ZDHHC3: variants seen among roughly 807,000 people sequenced by gnomAD.
ZDHHC3 encodes the protein palmitoyltransferase ZDHHC3.
A neutral mutation model predicts 30.6 loss-of-function variants in ZDHHC3; 9 were observed. That is an observed-to-expected ratio of 0.29 (90% CI 0.18 to 0.51). The LOEUF (loss-of-function observed/expected upper bound fraction) is 0.51. Ranked by LOEUF, ZDHHC3 falls within the 20% of genes least tolerant of loss-of-function variation. The probability of loss-of-function intolerance (pLI) is 0.97; values close to 1 mark genes in which losing one functional copy is unlikely to be tolerated. For synonymous variants in ZDHHC3, 136 were observed against 140.2 expected, an observed-to-expected ratio of 0.97 and a Z score of 0.21; for missense variants, 246 against 384.2, an observed-to-expected ratio of 0.64 and a Z score of 3.01.
At position 44,952,148 on chromosome 3, in the gene ZDHHC3, T is replaced by C. The variant is rs1703514364; in HGVS notation, c.307-6856A>G. Among the ~76,000 whole-genome samples the C allele has an allele frequency of 2.6e-5, 4 of 152,198 alleles. No individual in the cohort carries two copies. In the South Asian group the frequency reaches 8.3e-4, roughly 31 times the overall value. On this transcript the variant is annotated intron_variant, in intron 2 of 6. Transcript: ENST00000424952. ...AACCTGCTGCTTTCTCCCCAAACTGTTCCCTCAAGTCTCCCTTTCCTGGCC... is the reference window on the plus strand; with the variant it reads ...AACCTGCTGCTTTCTCCCCAAACTGCTCCCTCAAGTCTCCCTTTCCTGGCC...
At chr3:44,960,387 T>G (rs1704371870) in intron 1 of ZDHHC3, among the ~76,000 whole-genome samples, 1 of 152,172 alleles carries the variant, frequency 6.6e-6, no homozygotes, top group Admixed American at 6.5e-5. Flanking sequence ...ACCTCACAGG[T>G]TATGCACATG....
At chr3:44,930,793 T>C (rs1701423299) in intron 5 of ZDHHC3, among the ~76,000 whole-genome samples, 1 of 152,156 alleles carries the variant, frequency 6.6e-6, no homozygotes, top group African/African-American at 2.4e-5. Flanking sequence ...CAGGGCTTGG[T>C]TGGGGTGGCC....
Position 44,929,375 on chromosome 3 carries a change from G to GC in ZDHHC3, c.671dup (p.Leu225ProfsTer22). 1 of 1,614,140 alleles carries GC rather than the reference G, an allele frequency of 6.2e-7. No homozygotes were observed. The highest frequency in any genetic ancestry group is 8.5e-7 in the Non-Finnish European group (1 of 1,179,998). On this transcript the variant is annotated frameshift_variant, in exon 6 of 7. Transcript: ENST00000424952. LOFTEE classifies it high-confidence loss of function. ...CTGATGTGAAAATGAGGAAGAGCAG[G>GC]CCCTCAAAGCACAGCAGGATAAGGA... is the stretch of plus-strand genomic sequence containing the variant.
In ZDHHC3 at chr3:44,959,206, G is replaced by A; in HGVS notation, c.231C>T (p.Ile77=). The A allele has an allele frequency of 6.2e-7, 1 of 1,614,270 alleles. No homozygotes were observed. The highest frequency in any genetic ancestry group is 1.1e-5 in the South Asian group (1 of 91,088). ...GCAGGTTGAACACAATTCCGTTGATGATGCTATACACGTAGTCTCGAGATG... is the reference window on the plus strand; with the variant it reads ...GCAGGTTGAACACAATTCCGTTGATAATGCTATACACGTAGTCTCGAGATG... ...LIPSRDYVYS[I]INGIVFNLLA... Residue 77 remains isoleucine, a synonymous_variant, in exon 2 of 7, where the codon ATC becomes ATT. Transcript: ENST00000424952. The surrounding 1 kb of genome is among the most constrained non-coding windows in gnomAD (Gnocchi z 4.3).
rs1000178920 is a variant in ZDHHC3, at chr3:44,922,626, G to A, written c.*4063C>T. Reference sequence around the variant, plus strand: ...CACACAAGACCCATATCACCAGCAGGCATCAGGGACCACCTGAGGGGGGAC... The same window carrying A: ...CACACAAGACCCATATCACCAGCAGACATCAGGGACCACCTGAGGGGGGAC... On this transcript the variant is annotated 3_prime_UTR_variant, in exon 7 of 7. Transcript: ENST00000424952. 3.0e-6 allele frequency: 3 copies of A among 985,308 alleles called. No individual in the cohort carries two copies. The highest frequency in any genetic ancestry group is 3.6e-6 in the Non-Finnish European group (3 of 829,908). The allele number at this position is 985,308 out of a possible 1,614,324, so 61.0% of individuals were successfully genotyped here. A position where few individuals can be genotyped will look rare whatever the true frequency, so the allele number is the denominator to read the frequency against.
chr3:44,967,182 C>G (rs75206288), intron 1 of ZDHHC3, among the ~76,000 whole-genome samples: 2 of 152,194 alleles, frequency 1.3e-5, no homozygotes, highest in African/African-American at 4.8e-5. Flanking sequence ...GTCGGTAAAC[C>G]GAAATTTCCT....
At position 44,929,872 on chromosome 3, in the gene ZDHHC3, C is replaced by A. The variant is rs576626898; in HGVS notation, c.611-436G>T. ...CTGCTATGGCCATAGGTTTTCTGGG[C>A]ATTCCTGTATGACGTGCTGCCCCTC... On this transcript the variant is annotated intron_variant, in intron 5 of 6. Coordinates refer to ENST00000424952, the MANE Select transcript of ZDHHC3 (RefSeq NM_001135179.2). Among the ~76,000 whole-genome samples the A allele has an allele frequency of 3.3e-5, 5 of 152,352 alleles. No homozygotes were observed. In the East Asian group the frequency reaches 9.6e-4, roughly 29 times the overall value.
intron 1 of ZDHHC3, among the ~76,000 whole-genome samples, chr3:44,973,247 T>C (rs769030950): frequency 2.6e-5 from 4 of 152,066 alleles, no homozygotes; most frequent in Non-Finnish European, 5.9e-5. Flanking sequence ...TAATAAAACC[T>C]GGGGGGAGGC....
intron 3 of ZDHHC3, among the ~76,000 whole-genome samples, chr3:44,943,822 A>G (rs1326452424): frequency 6.6e-6 from 1 of 152,076 alleles, no homozygotes; most frequent in Non-Finnish European, 1.5e-5. Flanking sequence ...CCTGGGCAAC[A>G]AAGTGAGACT....
At chr3:44,956,596 G>A (rs1703979398) in intron 2 of ZDHHC3, among the ~76,000 whole-genome samples, 1 of 152,104 alleles carries the variant, frequency 6.6e-6, no homozygotes, top group Non-Finnish European at 1.5e-5. Context: ...TGGGGGTGAG[G>A]CCCAGCCATC....
At position 44,932,942 on chromosome 3, in the gene ZDHHC3, T is replaced by C. The variant is rs147965604; in HGVS notation, c.610+176A>G. 7.8e-3 allele frequency: 12,514 copies of C among 1,614,156 alleles called. 74 individuals carry two copies. Among genetic ancestry groups the C allele is most frequent in the Middle Eastern group, 0.03 (183 of 6,062 alleles). On this transcript the variant is annotated intron_variant, in intron 5 of 6. Coordinates refer to ENST00000424952, the MANE Select transcript of ZDHHC3 (RefSeq NM_001135179.2). ...GAAGTTAAGGGGCTGCATTTTTTCA[T>C]GAAGAGAGATTCCAGTCTCTGCCAT... is the stretch of plus-strand genomic sequence containing the variant.
Position 44,918,878 on chromosome 3 carries a change from T to A in ZDHHC3, c.*7811A>T. ...GAGATGCCCAGAGGAGGTAAAGACA[T>A]GGCCAGGCCAGCTCTCCAGGCCCAC... On this transcript the variant is annotated 3_prime_UTR_variant, in exon 7 of 7. Transcript: ENST00000424952. 1.0e-6 allele frequency: 1 copy of A among 986,134 alleles called. No homozygotes were observed. The highest frequency in any genetic ancestry group is 1.2e-6 in the Non-Finnish European group (1 of 830,510). 61.1% of individuals were successfully genotyped at this position (986,134 alleles called of 1,614,324 possible). A position where few individuals can be genotyped will look rare whatever the true frequency, so the allele number is the denominator to read the frequency against.
chr3:44,921,091 C>T lies in ZDHHC3; in HGVS notation c.*5598G>A. 1.0e-6 allele frequency: 1 copy of T among 985,450 alleles called. No individual in the cohort carries two copies. The highest frequency in any genetic ancestry group is 1.2e-6 in the Non-Finnish European group (1 of 829,940). The allele number at this position is 985,450 out of a possible 1,614,324, so 61.0% of individuals were successfully genotyped here. The stretch of plus-strand genomic sequence containing the variant: ...AATGGTTGATGCCTGGTAAGGGGGT[C>T]ATAGTCGACACCAGAAGCTCTTGCA... On this transcript the variant is annotated 3_prime_UTR_variant, in exon 7 of 7. Transcript: ENST00000424952.
At position 44,920,679 on chromosome 3, in the gene ZDHHC3, G is replaced by A; in HGVS notation, c.*6010C>T. On this transcript the variant is annotated 3_prime_UTR_variant, in exon 7 of 7. Coordinates refer to ENST00000424952, the MANE Select transcript of ZDHHC3 (RefSeq NM_001135179.2). ...CAAATCACCACTGTGCCCAGGCTGA[G>A]CTCAGTCAGAGAGAAGGGGAATGAA... The A allele has an allele frequency of 1.0e-6, 1 of 985,390 alleles. No individual in the cohort carries two copies. Among genetic ancestry groups the A allele is most frequent in the Non-Finnish European group, 1.2e-6 (1 of 829,938 alleles). The allele number at this position is 985,390 out of a possible 1,614,324, so 61.0% of individuals were successfully genotyped here. A position where few individuals can be genotyped will look rare whatever the true frequency, so the allele number is the denominator to read the frequency against.
intron 3 of ZDHHC3, among the ~76,000 whole-genome samples, chr3:44,937,211 G>A (rs761921917): frequency 9.2e-5 from 14 of 152,032 alleles, no homozygotes; most frequent in Admixed American, 6.6e-4. Context: ...CTGGGAGGCC[G>A]AGGCAGGCAG....
chr3:44,918,536 TC>T lies in ZDHHC3; in HGVS notation c.*8152del. 3.0e-6 allele frequency: 3 copies of T among 985,328 alleles called. No homozygotes were observed. Among genetic ancestry groups the T allele is most frequent in the Non-Finnish European group, 3.6e-6 (3 of 829,900 alleles). 61.0% of individuals were successfully genotyped at this position (985,328 alleles called of 1,614,324 possible). ...CTCTGAGGCCACTACAAACTGGTGA[TC>T]CCCTCCTAAATATTTTTGGCCACTC... is the stretch of plus-strand genomic sequence containing the variant. On this transcript the variant is annotated 3_prime_UTR_variant, in exon 7 of 7. Coordinates refer to ENST00000424952, the MANE Select transcript of ZDHHC3 (RefSeq NM_001135179.2).
chr3:44,962,801 T>A (rs899819373), intron 1 of ZDHHC3, among the ~76,000 whole-genome samples: 1 of 152,252 alleles, frequency 6.6e-6, no homozygotes, highest in Admixed American at 6.5e-5. Flanking sequence ...CTCATTTCTG[T>A]GTCTACGGTC....
At chr3:44,951,438 C>G (rs914818338) in intron 2 of ZDHHC3, among the ~76,000 whole-genome samples, 4 of 152,154 alleles carry the variant, frequency 2.6e-5, no homozygotes, top group African/African-American at 9.7e-5. Context: ...GTAGCCCAAA[C>G]TTCTAGTACC....
rs1700868753 is a variant in ZDHHC3, at chr3:44,924,979, G to A, written c.*1710C>T. On this transcript the variant is annotated 3_prime_UTR_variant, in exon 7 of 7. Transcript: ENST00000424952. ...TTGATTCAGGCTGCAGAAAGCAAAG[G>A]AAAGAGGCCTGGTGGGGCAAGCTGG... 2.0e-6 allele frequency: 2 copies of A among 985,576 alleles called. No homozygotes were observed. The highest frequency in any genetic ancestry group is 1.2e-6 in the Non-Finnish European group (1 of 829,934). The allele number at this position is 985,576 out of a possible 1,614,324, so 61.1% of individuals were successfully genotyped here.
Sources: gnomAD v4.1 joint callset for allele counts (sites outside exome capture counted in the v4.1 genomes callset) on GRCh38, gnomAD v4.1.1 for gene constraint, Gnocchi (gnomAD v3.1) non-coding constraint, MANE v1.5 for transcripts, NCBI Gene and HGNC (gene_info 2026-07-23, HGNC 2026-07-21) for gene names.